DKK2: variants seen among roughly 807,000 people sequenced by gnomAD.
DKK2 encodes dickkopf Wnt signaling pathway inhibitor 2, also known as dickkopf-related protein 2.
DKK2 carries 11 observed loss-of-function variants against 28.1 expected under a neutral mutation model. That is an observed-to-expected ratio of 0.39 (90% CI 0.25 to 0.65). DKK2 has a LOEUF of 0.65. Ranked by LOEUF, DKK2 falls within the 30% of genes least tolerant of loss-of-function variation. DKK2 has a pLI of 0.47. For missense variants in DKK2, 326 were observed against 335.5 expected (o/e 0.97, Z 0.22); for synonymous variants, 135 against 126.5 (o/e 1.07, Z -0.45).
intron 1 of DKK2, among the ~76,000 whole-genome samples, chr4:106,984,992 G>T (rs1178261311): frequency 1.3e-5 from 2 of 151,968 alleles, no homozygotes; most frequent in Non-Finnish European, 2.9e-5. Flanking sequence ...GGCAGATCAC[G>T]AGGTCAGGAG....
chr4:106,924,126 A>T lies in DKK2; in HGVS notation c.608T>A (p.Ile203Asn). Residue 203 changes from isoleucine (I) to asparagine (N), a missense_variant, in exon 4 of 4, where the codon ATC becomes AAC. By Grantham distance (149) the Ile-to-Asn change is moderately radical. Transcript: ENST00000285311. Reference sequence around the variant, plus strand: ...CCCCTGATGGAGCACTGGTTTGCAGATTTTGGTCCAGAAATGACGAGCACA... The same window carrying T: ...CCCCTGATGGAGCACTGGTTTGCAGTTTTTGGTCCAGAAATGACGAGCACA... ...FCCARHFWTK[I>N]CKPVLHQGEV... 6.2e-7 allele frequency: 1 copy of T among 1,613,998 alleles called. No individual in the cohort carries two copies. Among genetic ancestry groups the T allele is most frequent in the Non-Finnish European group, 8.5e-7 (1 of 1,179,926 alleles).
At chr4:106,946,245 AG>A (rs1578352503) in intron 1 of DKK2, among the ~76,000 whole-genome samples, 1 of 152,208 alleles carries the variant, frequency 6.6e-6, no homozygotes, top group East Asian at 1.9e-4. Flanking sequence ...ATTAATATTA[AG>A]GAATTATGAT....
chr4:106,933,054 G>A (rs950024100), intron 1 of DKK2, among the ~76,000 whole-genome samples: 3 of 152,070 alleles, frequency 2.0e-5, no homozygotes, highest in African/African-American at 7.2e-5. Context: ...AATTCCATGG[G>A]GTTTCTTTAC....
At chr4:107,009,800 G>A (rs2110368451) in intron 1 of DKK2, among the ~76,000 whole-genome samples, 1 of 151,840 alleles carries the variant, frequency 6.6e-6, no homozygotes, top group African/African-American at 2.4e-5. Flanking sequence ...AGTGGAATCA[G>A]GCATTTTATT....
Position 106,983,337 on chromosome 4 carries a change from GAAGAAAGA to G in DKK2, c.222+52025_222+52032del, listed in dbSNP as rs1553923094. Among the ~76,000 whole-genome samples, 73 of 120,504 alleles carry G rather than the reference GAAGAAAGA, an allele frequency of 6.1e-4. 1 individual carries two copies. The highest frequency in any genetic ancestry group is 2.1e-3 in the East Asian group (7 of 3,406). The allele number at this position is 120,504 out of a possible 152,430, so 79.1% of individuals were successfully genotyped here. A position where few individuals can be genotyped will look rare whatever the true frequency, so the allele number is the denominator to read the frequency against. ...AGAAAGAAGAAAGAAAGGAAGAAAGGAAGAAAGAAAGAAAGAAAGAAAGAAAGAAAGAA... is the reference window on the plus strand; with the variant it reads ...AGAAAGAAGAAAGAAAGGAAGAAAGGAAGAAAGAAAGAAAGAAAGAAAGAA... On this transcript the variant is annotated intron_variant, in intron 1 of 3. Coordinates refer to ENST00000285311, the MANE Select transcript of DKK2 (RefSeq NM_014421.3).
At chr4:106,976,517 C>A (rs1396753228) in intron 1 of DKK2, among the ~76,000 whole-genome samples, 1 of 152,020 alleles carries the variant, frequency 6.6e-6, no homozygotes, top group African/African-American at 2.4e-5. Context: ...CTTTTTTGAT[C>A]TTTGTTGGTT....
At chr4:106,983,084 CAAAG>C (rs1202876358) in intron 1 of DKK2, among the ~76,000 whole-genome samples, 2 of 150,212 alleles carry the variant, frequency 1.3e-5, no homozygotes, top group African/African-American at 2.4e-5. Flanking sequence ...AAGAAAGAAA[CAAAG>C]AAAATTTCTA....
chr4:106,931,972 A>C (rs890261094), intron 1 of DKK2, among the ~76,000 whole-genome samples: 1 of 152,144 alleles, frequency 6.6e-6, no homozygotes, highest in African/African-American at 2.4e-5. Context: ...AATGCAGTCT[A>C]TTGAGATTTG....
intron 1 of DKK2, among the ~76,000 whole-genome samples, chr4:106,946,306 T>G (rs1311133407): frequency 2.6e-5 from 4 of 152,140 alleles, no homozygotes; most frequent in Non-Finnish European, 5.9e-5. Flanking sequence ...AAAATATCCT[T>G]TCTCTTAAAG....
At chr4:106,937,074 C>A (rs1427668165) in intron 1 of DKK2, among the ~76,000 whole-genome samples, 1 of 151,964 alleles carries the variant, frequency 6.6e-6, no homozygotes, top group Non-Finnish European at 1.5e-5. Flanking sequence ...AGCAAAATAA[C>A]CAGCTAACAT....
chr4:106,975,350 C>T (rs1722926846), intron 1 of DKK2, among the ~76,000 whole-genome samples: 3 of 152,104 alleles, frequency 2.0e-5, no homozygotes, highest in Admixed American at 6.5e-5. Context: ...TGGTAGAATT[C>T]GGCTGTGAAT....
chr4:107,015,252 A>C (rs192665686), intron 1 of DKK2, among the ~76,000 whole-genome samples: 57 of 151,712 alleles, frequency 3.8e-4, no homozygotes, highest in Non-Finnish European at 4.4e-4. Context: ...TTGATAATCT[A>C]ATGTCATGAA....
chr4:106,935,185 G>A (rs1452441034), intron 1 of DKK2, among the ~76,000 whole-genome samples: 2 of 152,204 alleles, frequency 1.3e-5, no homozygotes, highest in African/African-American at 2.4e-5. Context: ...GGTGATTTCT[G>A]CATTTCCATC....
At position 107,035,761 on chromosome 4, in the gene DKK2, G is replaced by A. The variant is rs991879099; in HGVS notation, c.-170C>T. 7 of 639,982 alleles carry A rather than the reference G, an allele frequency of 1.1e-5. No homozygotes were observed. In the African/African-American group the frequency reaches 1.3e-4, roughly 12 times the overall value. The allele number at this position is 639,982 out of a possible 1,614,324, so 39.6% of individuals were successfully genotyped here. A position where few individuals can be genotyped will look rare whatever the true frequency, so the allele number is the denominator to read the frequency against. On this transcript the variant is annotated 5_prime_UTR_variant, in exon 1 of 4. Coordinates refer to ENST00000285311, the MANE Select transcript of DKK2 (RefSeq NM_014421.3). ...CAGGACCCTATGAACTCAGTCTCAC[G>A]CCTCAGGACAGAAATTAGCGGAACC...
At chr4:106,984,673 C>A (rs1490807284) in intron 1 of DKK2, among the ~76,000 whole-genome samples, 1 of 152,176 alleles carries the variant, frequency 6.6e-6, no homozygotes, top group Non-Finnish European at 1.5e-5. Context: ...GTTGTTTCCA[C>A]CTTGTGGCTA....
At chr4:106,950,245 G>C (rs1035219847) in intron 1 of DKK2, among the ~76,000 whole-genome samples, 7 of 152,134 alleles carry the variant, frequency 4.6e-5, no homozygotes, top group African/African-American at 1.7e-4. Flanking sequence ...CACTTGCTCA[G>C]ACCAAAAACC....
intron 1 of DKK2, among the ~76,000 whole-genome samples, chr4:106,957,318 G>A (rs1057152939): frequency 1.3e-5 from 2 of 151,272 alleles, no homozygotes; most frequent in Admixed American, 1.3e-4. Context: ...CTGTAAACTA[G>A]TTCAACCATT....
rs530893928 is a variant in DKK2 at position 106,950,626 on chromosome 4, C to T, written c.223-24677G>A. ...GCTCCAGCCATGTTCATCTTCCCGC[C>T]GTTATTCCCACATGCCAGCATCCTT... On this transcript the variant is annotated intron_variant, in intron 1 of 3. Transcript: ENST00000285311. Among the ~76,000 whole-genome samples, 5 of 152,238 alleles carry T rather than the reference C, an allele frequency of 3.3e-5. No individual in the cohort carries two copies. In the East Asian group the frequency reaches 7.7e-4, roughly 24 times the overall value.
chr4:106,950,045 A>G lies in DKK2; in HGVS notation c.223-24096T>C, dbSNP rs545283221. On this transcript the variant is annotated intron_variant, in intron 1 of 3. Transcript: ENST00000285311. ...CTGGAGAGTGTAAAACATGTCTTGC[A>G]TTGTACAACTTTCACAATTCAGTTA... Among the ~76,000 whole-genome samples the G allele has an allele frequency of 1.2e-4, 19 of 152,314 alleles. No individual in the cohort carries two copies. The South Asian group carries it at 2.1e-3, about 17-fold the overall frequency.
Sources: gnomAD v4.1 joint callset for allele counts (sites outside exome capture counted in the v4.1 genomes callset) on GRCh38, gnomAD v4.1.1 for gene constraint, MANE v1.5 for transcripts, NCBI Gene and HGNC (gene_info 2026-07-23, HGNC 2026-07-21) for gene names.